SMAD5: variants seen among roughly 807,000 people sequenced by gnomAD.
SMAD5 encodes the protein SMAD family member 5.
Under a neutral mutation model 43.1 loss-of-function variants are expected in SMAD5, and 9 were observed. The observed-to-expected ratio is 0.21, with a 90% CI of 0.13 to 0.36. SMAD5 has a LOEUF of 0.36. Ranked by LOEUF, SMAD5 falls within the 10% of genes least tolerant of loss-of-function variation. The pLI is 1.00. For missense variants in SMAD5, 348 were observed against 574.0 expected (o/e 0.61, Z 4.02); for synonymous variants, 190 against 192.4 (o/e 0.99, Z 0.10).
At chr5:136,143,751 A>G (rs1753170760) in intron 1 of SMAD5, among the ~76,000 whole-genome samples, 1 of 151,752 alleles carries the variant, frequency 6.6e-6, no homozygotes, top group South Asian at 2.1e-4. Flanking sequence ...CTCATCCTTA[A>G]GCTCCTATTC....
chr5:136,149,482 CT>C lies in SMAD5; in HGVS notation c.-170+1590del, dbSNP rs371900186. ...TTCTGTATTATCATGAACAGTTAATCTTTTTTTTTTTTTTAAGTGTAGCCAT... is the reference window on the plus strand; with the variant it reads ...TTCTGTATTATCATGAACAGTTAATCTTTTTTTTTTTTTAAGTGTAGCCAT... On this transcript the variant is annotated intron_variant, in intron 2 of 7. Coordinates refer to ENST00000545279, the MANE Select transcript of SMAD5 (RefSeq NM_005903.7). Among the ~76,000 whole-genome samples, 1,016 of 139,834 alleles carry C rather than the reference CT, an allele frequency of 7.3e-3. 1 individual carries two copies. Among genetic ancestry groups the C allele is most frequent in the African/African-American group, 8.6e-3 (330 of 38,378 alleles). The allele number at this position is 139,834 out of a possible 152,430, so 91.7% of individuals were successfully genotyped here. A position where few individuals can be genotyped will look rare whatever the true frequency, so the allele number is the denominator to read the frequency against.
chr5:136,172,407 C>G, intron 5 of SMAD5, 27 bp from the exon 6 acceptor site: 2 of 1,374,432 alleles, frequency 1.5e-6, no homozygotes, highest in Non-Finnish European at 2.1e-6. Flanking sequence ...ATGTATTAAA[C>G]TCTTTCTGTG....
chr5:136,159,631 GAAA>G (rs1328492666), intron 3 of SMAD5, among the ~76,000 whole-genome samples: 1 of 137,012 alleles, frequency 7.3e-6, no homozygotes, highest in East Asian at 2.2e-4. Flanking sequence ...GCTAAATGTA[GAAA>G]TTCTTGCTGC....
rs1408034873 is a variant in SMAD5, at chr5:136,177,486, A to G, written c.*6A>G. On this transcript the variant is annotated 3_prime_UTR_variant, in exon 8 of 8. Transcript: ENST00000545279. The stretch of plus-strand genomic sequence containing the variant: ...CCATATCTTCTGTTTCATAATGCAG[A>G]AGTATTCTTTTCAATTATATTGTTA... The G allele has an allele frequency of 4.4e-6, 7 of 1,599,946 alleles. No individual in the cohort carries two copies. Among genetic ancestry groups the G allele is most frequent in the Non-Finnish European group, 6.0e-6 (7 of 1,172,590 alleles).
intron 1 of SMAD5, among the ~76,000 whole-genome samples, chr5:136,141,562 T>G (rs1753083647): frequency 6.6e-6 from 1 of 152,218 alleles, no homozygotes; most frequent in Admixed American, 6.5e-5. Context: ...GAAAAAGGCC[T>G]TCTCATTTAT....
intron 1 of SMAD5, among the ~76,000 whole-genome samples, chr5:136,143,796 G>A (rs1447177311): frequency 1.3e-5 from 2 of 151,872 alleles, no homozygotes; most frequent in Non-Finnish European, 2.9e-5. Context: ...TGCAGGGGAG[G>A]GGTAGAATCT....
At chr5:136,156,707 C>A (rs1279427118) in intron 3 of SMAD5, among the ~76,000 whole-genome samples, 1 of 152,150 alleles carries the variant, frequency 6.6e-6, no homozygotes, top group Non-Finnish European at 1.5e-5. Flanking sequence ...TTATGTATTC[C>A]CCTATAGCCA....
rs757188211 is a variant in SMAD5, at chr5:136,177,610, C to T, written c.*130C>T. 1.8e-4 allele frequency: 118 copies of T among 654,950 alleles called. No individual in the cohort carries two copies. The highest frequency in any genetic ancestry group is 2.7e-4 in the Non-Finnish European group (107 of 392,036). 40.6% of individuals were successfully genotyped at this position (654,950 alleles called of 1,614,324 possible). The stretch of plus-strand genomic sequence containing the variant: ...CTTATTTTTTTCTACATAATTGTGA[C>T]CAATACATTTGTATTTTGTGATGAA... On this transcript the variant is annotated 3_prime_UTR_variant, in exon 8 of 8. Coordinates refer to ENST00000545279, the MANE Select transcript of SMAD5 (RefSeq NM_005903.7).
intron 1 of SMAD5, among the ~76,000 whole-genome samples, chr5:136,144,611 C>G (rs1484068861): frequency 6.7e-6 from 1 of 150,188 alleles, no homozygotes; most frequent in Non-Finnish European, 1.5e-5. Context: ...ATAAATATAT[C>G]TTATTATATT....
At chr5:136,159,301 T>A (rs955757098) in intron 3 of SMAD5, among the ~76,000 whole-genome samples, 3 of 152,204 alleles carry the variant, frequency 2.0e-5, no homozygotes, top group Non-Finnish European at 4.4e-5. Context: ...ATAAGCATAT[T>A]ATTTAGCAGT....
chr5:136,145,521 A>G (rs1753230971), intron 1 of SMAD5, among the ~76,000 whole-genome samples: 1 of 151,730 alleles, frequency 6.6e-6, no homozygotes, highest in Non-Finnish European at 1.5e-5. Context: ...GCATTATGCC[A>G]TTTACTTTGC....
At chr5:136,152,397 A>G (rs1753501644) in intron 2 of SMAD5, among the ~76,000 whole-genome samples, 2 of 152,108 alleles carry the variant, frequency 1.3e-5, no homozygotes, top group Admixed American at 1.3e-4. Context: ...CTGTGTTTAC[A>G]TTATCTTTAT....
At chr5:136,146,891 A>T (rs947536850) in intron 1 of SMAD5, among the ~76,000 whole-genome samples, 2 of 151,714 alleles carry the variant, frequency 1.3e-5, no homozygotes, top group African/African-American at 4.8e-5. Context: ...AAAAATCTAT[A>T]TATTCGGGTG....
chr5:136,172,342 T>G, intron 5 of SMAD5, 92 bp from the exon 6 acceptor site: 1 of 696,204 alleles, frequency 1.4e-6, no homozygotes, highest in Non-Finnish European at 2.4e-6. Context: ...TTCTTTTTCA[T>G]GTAATACTTG....
chr5:136,174,980 GAA>G (rs1206159890), intron 7 of SMAD5, among the ~76,000 whole-genome samples: 1 of 152,200 alleles, frequency 6.6e-6, no homozygotes, highest in African/African-American at 2.4e-5. Flanking sequence ...AATTTATGAA[GAA>G]AAAGAGGTTT....
Position 136,158,988 on chromosome 5 carries a change from C to T in SMAD5, c.404-1868C>T, listed in dbSNP as rs548504403. Among the ~76,000 whole-genome samples, 10 of 151,976 alleles carry T rather than the reference C, an allele frequency of 6.6e-5. No homozygotes were observed. In the South Asian group the frequency reaches 1.0e-3, roughly 16 times the overall value. ...GTATCCAAGAAATAGTAATGATAGG[C>T]GTTTAACAGATCTGTTGGAATTCTG... On this transcript the variant is annotated intron_variant, in intron 3 of 7. Coordinates refer to ENST00000545279, the MANE Select transcript of SMAD5 (RefSeq NM_005903.7).
intron 1 of SMAD5, among the ~76,000 whole-genome samples, chr5:136,146,345 G>A (rs1019943271): frequency 5.3e-5 from 8 of 151,836 alleles, no homozygotes; most frequent in African/African-American, 1.9e-4. Context: ...TCTATTACTG[G>A]AATAAGTGTA....
intron 7 of SMAD5, among the ~76,000 whole-genome samples, chr5:136,174,952 A>G (rs1185773014): frequency 6.6e-6 from 1 of 152,220 alleles, no homozygotes; most frequent in Non-Finnish European, 1.5e-5. Context: ...CTGCTAATAG[A>G]CATACTCAAG....
At chr5:136,135,055 T>G (rs368194851) in intron 1 of SMAD5, among the ~76,000 whole-genome samples, 1 of 152,198 alleles carries the variant, frequency 6.6e-6, no homozygotes, top group African/African-American at 2.4e-5. Context: ...TCTGGTAGTA[T>G]TATCTGCGTG....
Sources: allele counts gnomAD v4.1 joint callset (sites outside exome capture counted in the v4.1 genomes callset), GRCh38; gene constraint gnomAD v4.1.1; transcripts MANE v1.5; gene names NCBI Gene and HGNC (gene_info 2026-07-23, HGNC 2026-07-21).